Variants in CHD2 observed in about 807,000 individuals in gnomAD.
CHD2 encodes ATP-dependent chromatin remodeler CHD2.
A neutral mutation model predicts 243.9 loss-of-function variants in CHD2; 28 were observed. That is an observed-to-expected ratio of 0.11 (90% CI 0.09 to 0.16). CHD2 has a LOEUF of 0.16. Among genes scored for constraint, CHD2 ranks in the 10% least tolerant of loss-of-function variants. CHD2 has a pLI of 1.00. For synonymous variants in CHD2, 775 were observed against 779.0 expected, an observed-to-expected ratio of 0.99 and a Z score of 0.09; for missense variants, 1,386 against 2,209.8, an observed-to-expected ratio of 0.63 and a Z score of 7.47.
At position 92,997,496 on chromosome 15, in the gene CHD2, A is replaced by T. The variant is rs945006051; in HGVS notation, c.3885+93A>T. ...TATTTCTAACTATTTTCGAGGGGGCATCAAATTAGAAATTAGTATAGTCAT... is the reference window on the plus strand; with the variant it reads ...TATTTCTAACTATTTTCGAGGGGGCTTCAAATTAGAAATTAGTATAGTCAT... On this transcript the variant is annotated intron_variant, in intron 30 of 38. Coordinates refer to ENST00000394196, the MANE Select transcript of CHD2 (RefSeq NM_001271.4). This position sits in a 1 kb window ranked among gnomAD's most constrained non-coding sequence, Gnocchi z 4.1. The T allele has an allele frequency of 3.7e-5, 43 of 1,161,878 alleles. No individual in the cohort carries two copies. The highest frequency in any genetic ancestry group is 4.9e-5 in the Non-Finnish European group (42 of 854,216). The allele number at this position is 1,161,878 out of a possible 1,614,324, so 72.0% of individuals were successfully genotyped here.
chr15:92,998,201 T>C lies in CHD2; in HGVS notation c.3886-298T>C. 1.9e-6 allele frequency: 2 copies of C among 1,075,220 alleles called. No homozygotes were observed. The highest frequency in any genetic ancestry group is 1.1e-6 in the Non-Finnish European group (1 of 886,342). 66.6% of individuals were successfully genotyped at this position (1,075,220 alleles called of 1,614,324 possible). On this transcript the variant is annotated intron_variant, in intron 30 of 38. Transcript: ENST00000394196. This position sits in a 1 kb window ranked among gnomAD's most constrained non-coding sequence, Gnocchi z 5.1. Reference sequence around the variant, plus strand: ...AGGAAATCCACGACGGCTGGGATGCTCTAGCAGATGAAGCCACAAGCCCCT... The same window carrying C: ...AGGAAATCCACGACGGCTGGGATGCCCTAGCAGATGAAGCCACAAGCCCCT...
At chr15:93,005,558 A>G (rs562999221) in intron 34 of CHD2, among the ~76,000 whole-genome samples, 5 of 152,302 alleles carry the variant, frequency 3.3e-5, no homozygotes, top group South Asian at 2.1e-4. Context: ...TTTTCTTTCA[A>G]ATTTGAAAAT....
At chr15:92,950,056 TAAC>T (rs1259788158) in intron 13 of CHD2, among the ~76,000 whole-genome samples, 4 of 152,120 alleles carry the variant, frequency 2.6e-5, no homozygotes, top group Admixed American at 1.3e-4. Context: ...AGGAGAATAA[TAAC>T]ATTTCCAAAT....
chr15:92,939,538 A>G, intron 6 of CHD2, 40 bp from the exon 7 acceptor site: 1 of 1,594,950 alleles, frequency 6.3e-7, no homozygotes, highest in South Asian at 1.1e-5. Context: ...ACCAAATGAT[A>G]AAGTGAAGAC....
intron 2 of CHD2, among the ~76,000 whole-genome samples, chr15:92,923,805 C>T (rs1033367679): frequency 6.6e-6 from 1 of 152,106 alleles, no homozygotes; most frequent in South Asian, 2.1e-4. Flanking sequence ...ACCTCGTGAT[C>T]CGCCCGCCTC....
At chr15:92,986,903 A>C (rs1244212512) in intron 26 of CHD2, among the ~76,000 whole-genome samples, 2 of 151,990 alleles carry the variant, frequency 1.3e-5, no homozygotes, top group Non-Finnish European at 2.9e-5. Flanking sequence ...GGCTAATTAA[A>C]AATTTTTTTT....
At chr15:92,996,143 TG>T (rs1440703237) in intron 28 of CHD2, among the ~76,000 whole-genome samples, 1 of 149,016 alleles carries the variant, frequency 6.7e-6, no homozygotes, top group Non-Finnish European at 1.5e-5. Flanking sequence ...ATTTGAAATT[TG>T]GGTTAGGGTA....
At chr15:92,945,913 G>A (rs2053460375) in intron 11 of CHD2, 48 bp downstream of exon 11, 2 of 1,494,728 alleles carry the variant, frequency 1.3e-6, no homozygotes, top group African/African-American at 2.8e-5. Context: ...TTTCAGAACA[G>A]TGTATGTTTT....
chr15:92,939,612 A>G lies in CHD2; in HGVS notation c.586A>G (p.Lys196Glu). ...VPKPRVKKQP[K>E]TQRGKRKKQD... The stretch of plus-strand genomic sequence containing the variant: ...CAAACCTCGTGTTAAAAAGCAGCCG[A>G]AGACTCAGCGTGGAAAGAGAAAAAA... The change falls in exon 7 of 39, where the codon AAG (lysine) becomes GAG (glutamate). Residue 196 changes from lysine to glutamate, a missense_variant. Physicochemically the swap from Lys to Glu is moderately conservative, Grantham distance 56 (BLOSUM62 1). Coordinates refer to ENST00000394196, the MANE Select transcript of CHD2 (RefSeq NM_001271.4). The G allele has an allele frequency of 6.2e-7, 1 of 1,614,200 alleles. No individual in the cohort carries two copies. The highest frequency in any genetic ancestry group is 8.5e-7 in the Non-Finnish European group (1 of 1,180,018).
At chr15:92,912,896 G>T (rs2052767156) in intron 2 of CHD2, among the ~76,000 whole-genome samples, 1 of 152,168 alleles carries the variant, frequency 6.6e-6, no homozygotes, top group African/African-American at 2.4e-5. Context: ...GATGCAGGTT[G>T]GCATTCAAAT....
intron 37 of CHD2, among the ~76,000 whole-genome samples, chr15:93,015,235 C>T (rs528614590): frequency 3.0e-4 from 45 of 152,116 alleles, no homozygotes; most frequent in Non-Finnish European, 1.0e-4. Flanking sequence ...TGCACCACCA[C>T]GCTGAGCTAA....
In CHD2 at chr15:92,937,613, C is replaced by T; in HGVS notation, c.539C>T (p.Pro180Leu). Residue 180 changes from proline to leucine, a missense_variant, in exon 6 of 39, where the codon CCT becomes CTT. This residue lies in a region of CHD2 where 90 missense variants were observed against 78.0 expected (regional missense o/e 1.15). Transcript: ENST00000394196. ...PEQKKVKARR[P>L]VPRRTVPKPR... ...CAAAAAAAAGTAAAAGCCAGAAGAC[C>T]TGTCCCCAGAAGGTGCACTGTTTGC... The T allele has an allele frequency of 1.2e-6, 2 of 1,612,934 alleles. No individual in the cohort carries two copies. Among genetic ancestry groups the T allele is most frequent in the East Asian group, 2.2e-5 (1 of 44,848 alleles).
intron 7 of CHD2, among the ~76,000 whole-genome samples, chr15:92,940,098 T>C (rs1307670767): frequency 6.6e-6 from 1 of 152,236 alleles, no homozygotes; most frequent in Non-Finnish European, 1.5e-5. Flanking sequence ...GCTTAACGTA[T>C]TGCTACTTGA....
chr15:93,001,764 G>A (rs1421563543), intron 32 of CHD2, among the ~76,000 whole-genome samples: 1 of 152,170 alleles, frequency 6.6e-6, no homozygotes, highest in Admixed American at 6.5e-5. Context: ...TGACAGGTCT[G>A]CCTCAGCCTC....
chr15:93,007,334 A>C lies in CHD2; in HGVS notation c.4414-1811A>C, dbSNP rs1285367887. 4.6e-5 allele frequency among the ~76,000 whole-genome samples: 7 copies of C among 152,296 alleles called. No individual in the cohort carries two copies. In the East Asian group the frequency reaches 1.3e-3, roughly 29 times the overall value. Reference sequence around the variant, plus strand: ...CATTCATGTTCCTTGTGAATTGCCTATTCAGTTATTCAAAATTGACATATT... The same window carrying C: ...CATTCATGTTCCTTGTGAATTGCCTCTTCAGTTATTCAAAATTGACATATT... On this transcript the variant is annotated intron_variant, in intron 34 of 38. Transcript: ENST00000394196.
chr15:92,980,727 T>G lies in CHD2; in HGVS notation c.2877-88T>G, dbSNP rs1596431485. Reference sequence around the variant, plus strand: ...AGAGTTTATATTTTCAGCAGTTAACTTGACCTCTTTCTGAAGGATAGTTAT... The same window carrying G: ...AGAGTTTATATTTTCAGCAGTTAACGTGACCTCTTTCTGAAGGATAGTTAT... On this transcript the variant is annotated intron_variant, in intron 22 of 38. Coordinates refer to ENST00000394196, the MANE Select transcript of CHD2 (RefSeq NM_001271.4). 13 of 890,730 alleles carry G rather than the reference T, an allele frequency of 1.5e-5. No homozygotes were observed. In the East Asian group the frequency reaches 2.5e-4, roughly 17 times the overall value. 55.2% of individuals were successfully genotyped at this position (890,730 alleles called of 1,614,324 possible).
intron 33 of CHD2, among the ~76,000 whole-genome samples, chr15:93,003,549 A>ATT (rs2054283832): frequency 6.6e-6 from 1 of 151,230 alleles, no homozygotes; most frequent in Admixed American, 6.6e-5. Context: ...AACTGTTGTT[A>ATT]ATATTTTTTC....
chr15:92,966,115 G>A (rs1446233259), intron 16 of CHD2, among the ~76,000 whole-genome samples: 1 of 147,750 alleles, frequency 6.8e-6, no homozygotes, highest in Non-Finnish European at 1.5e-5. Flanking sequence ...CCAGGCTGGA[G>A]TGCAATGGCA....
chr15:92,995,221 C>T (rs2054172104), intron 28 of CHD2, among the ~76,000 whole-genome samples: 1 of 152,050 alleles, frequency 6.6e-6, no homozygotes, highest in Non-Finnish European at 1.5e-5. Flanking sequence ...TGGTTAATGC[C>T]ACCACCTTAA....
Sources: gnomAD v4.1 joint callset for allele counts (sites outside exome capture counted in the v4.1 genomes callset) on GRCh38, gnomAD v4.1.1 for gene constraint, gnomAD v4.1.1 regional missense constraint, Gnocchi (gnomAD v3.1) non-coding constraint, MANE v1.5 for transcripts, NCBI Gene and HGNC (gene_info 2026-07-23, HGNC 2026-07-21) for gene names.